Variants in RSRC1 observed in about 807,000 individuals in gnomAD.
RSRC1 encodes the protein serine/Arginine-related protein 53.
Under a neutral mutation model 49.1 loss-of-function variants are expected in RSRC1, and 39 were observed. The ratio of observed to expected loss-of-function variants is 0.79; its 90% confidence interval spans 0.61 to 1.04. The LOEUF is 1.04. RSRC1 is among the 50% of genes least tolerant of loss of function. The pLI is 0.00. For synonymous variants in RSRC1, 143 were observed against 130.8 expected (o/e 1.09, Z -0.63); for missense variants, 388 against 402.4 (o/e 0.96, Z 0.31).
chr3:158,154,906 C>A lies in RSRC1; in HGVS notation c.320+30915C>A, dbSNP rs1578141824. 2.0e-5 allele frequency among the ~76,000 whole-genome samples: 3 copies of A among 152,312 alleles called. 1 individual carries two copies. On this transcript the variant is annotated intron_variant, in intron 3 of 9. Transcript: ENST00000611884. ...AGCAGTGGATTCTATCTCAAGAAAC[C>A]ACTTTTTTGCTCATCCATAAGAAGC... is the stretch of plus-strand genomic sequence containing the variant.
chr3:158,258,201 T>G (rs1056142155), intron 4 of RSRC1, among the ~76,000 whole-genome samples: 265 of 143,406 alleles, frequency 1.8e-3, no homozygotes, highest in Non-Finnish European at 3.2e-3. Flanking sequence ...GAAGAACTCC[T>G]TTTAACCTTT....
intron 4 of RSRC1, among the ~76,000 whole-genome samples, chr3:158,263,912 T>C (rs1287814409): frequency 6.6e-6 from 1 of 152,206 alleles, no homozygotes; most frequent in Non-Finnish European, 1.5e-5. Flanking sequence ...TATTAGTAAT[T>C]TGTTGTTACT....
chr3:158,438,049 G>A (rs1041465445), intron 6 of RSRC1, among the ~76,000 whole-genome samples: 2 of 152,128 alleles, frequency 1.3e-5, no homozygotes, highest in Non-Finnish European at 2.9e-5. Flanking sequence ...GCCAAATCAT[G>A]AGTGAACTCC....
At chr3:158,240,081 T>A (rs934543853) in intron 4 of RSRC1, among the ~76,000 whole-genome samples, 1 of 152,200 alleles carries the variant, frequency 6.6e-6, no homozygotes, top group Non-Finnish European at 1.5e-5. Flanking sequence ...TAGTCTTCAT[T>A]TATTTATGAG....
At chr3:158,306,767 A>G (rs1727860228) in intron 5 of RSRC1, among the ~76,000 whole-genome samples, 1 of 151,966 alleles carries the variant, frequency 6.6e-6, no homozygotes, top group Admixed American at 6.6e-5. Context: ...ACATTTTATT[A>G]TAATCTTCAA....
chr3:158,174,512 C>A (rs1719080626), intron 3 of RSRC1, among the ~76,000 whole-genome samples: 1 of 151,718 alleles, frequency 6.6e-6, no homozygotes, highest in African/African-American at 2.4e-5. Context: ...CTGCTCATAC[C>A]CCTCACAATC....
chr3:158,414,493 T>C (rs1433254472), intron 6 of RSRC1, among the ~76,000 whole-genome samples: 1 of 152,108 alleles, frequency 6.6e-6, no homozygotes, highest in East Asian at 1.9e-4. Context: ...AAACCCACTG[T>C]GGCACATGTT....
intron 5 of RSRC1, among the ~76,000 whole-genome samples, chr3:158,350,418 C>T (rs969788910): frequency 6.6e-6 from 1 of 152,024 alleles, no homozygotes; most frequent in African/African-American, 2.4e-5. Flanking sequence ...AAGCGATCTG[C>T]CCGCCTTGGC....
At chr3:158,418,101 T>C (rs1196044526) in intron 6 of RSRC1, among the ~76,000 whole-genome samples, 1 of 152,036 alleles carries the variant, frequency 6.6e-6, no homozygotes, top group Admixed American at 6.6e-5. Context: ...GTGTTATCTT[T>C]TGTGGTTATT....
chr3:158,420,156 TAG>T (rs1443106165), intron 6 of RSRC1, among the ~76,000 whole-genome samples: 14 of 151,992 alleles, frequency 9.2e-5, no homozygotes, highest in Non-Finnish European at 2.1e-4. Flanking sequence ...GTAGCACACT[TAG>T]TCACAAATTA....
chr3:158,528,810 C>T (rs1288781323), intron 7 of RSRC1, among the ~76,000 whole-genome samples: 1 of 151,918 alleles, frequency 6.6e-6, no homozygotes, highest in African/African-American at 2.4e-5. Flanking sequence ...TCTTACCACT[C>T]TATTAAAGTG....
intron 5 of RSRC1, among the ~76,000 whole-genome samples, chr3:158,305,294 T>A (rs1002011945): frequency 6.6e-6 from 1 of 152,032 alleles, no homozygotes. Flanking sequence ...TTCATGATAT[T>A]GTTGATAGTC....
At chr3:158,309,088 A>G (rs1423004198) in intron 5 of RSRC1, among the ~76,000 whole-genome samples, 1 of 151,914 alleles carries the variant, frequency 6.6e-6, no homozygotes, top group Non-Finnish European at 1.5e-5. Context: ...AAAGTTTAGA[A>G]AATTGTAAAG....
At chr3:158,397,718 T>G (rs1733688064) in intron 6 of RSRC1, among the ~76,000 whole-genome samples, 1 of 152,040 alleles carries the variant, frequency 6.6e-6, no homozygotes, top group South Asian at 2.1e-4. Context: ...GCCCTCAAAT[T>G]CAATAAGCTT....
chr3:158,351,925 A>G (rs1204757682), intron 5 of RSRC1, among the ~76,000 whole-genome samples: 1 of 147,174 alleles, frequency 6.8e-6, no homozygotes, highest in Admixed American at 6.8e-5. Flanking sequence ...TTATATATAT[A>G]TAAATATATA....
intron 6 of RSRC1, among the ~76,000 whole-genome samples, chr3:158,439,215 G>A (rs532652550): frequency 5.9e-5 from 9 of 152,246 alleles, no homozygotes; most frequent in African/African-American, 2.2e-4. Context: ...CACTGTTGGT[G>A]GGAGTGTAAA....
intron 5 of RSRC1, among the ~76,000 whole-genome samples, chr3:158,335,732 G>A (rs1489725833): frequency 1.3e-5 from 2 of 152,148 alleles, no homozygotes; most frequent in Admixed American, 6.5e-5. Flanking sequence ...AGTCTCTATT[G>A]CAACTACTCA....
intron 3 of RSRC1, among the ~76,000 whole-genome samples, chr3:158,164,496 A>G (rs181652440): frequency 2.0e-5 from 3 of 152,228 alleles, no homozygotes; most frequent in Admixed American, 2.0e-4. Flanking sequence ...TTACAAAAAG[A>G]ATGATTTTAT....
chr3:158,423,051 C>T (rs139106470), intron 6 of RSRC1, among the ~76,000 whole-genome samples: 2,458 of 152,166 alleles, frequency 0.016, 53 homozygotes, highest in African/African-American at 0.056. Context: ...ATGGTAGTTT[C>T]CTTTGCTGTG....
Sources: allele counts gnomAD v4.1 joint callset (sites outside exome capture counted in the v4.1 genomes callset), GRCh38; gene constraint gnomAD v4.1.1; transcripts MANE v1.5; gene names NCBI Gene and HGNC (gene_info 2026-07-23, HGNC 2026-07-21).